Variants in SNX29 observed in about 807,000 individuals in gnomAD.
The protein encoded by SNX29 is sorting nexin-29.
Under a neutral mutation model 102.1 loss-of-function variants are expected in SNX29, and 78 were observed. The ratio of observed to expected loss-of-function variants is 0.76; its 90% CI spans 0.64 to 0.92. The LOEUF (loss-of-function observed/expected upper bound fraction) is 0.92, where lower values mean the gene tolerates loss of function less well. Ranked by LOEUF, SNX29 falls within the 40% of genes least tolerant of loss-of-function variation. The probability of loss-of-function intolerance (pLI) is 0.00; values close to 1 mark genes in which losing one functional copy is unlikely to be tolerated. For synonymous variants in SNX29, 580 were observed against 414.5 expected (o/e 1.40, Z -4.85); for missense variants, 1,280 against 1,061.7 (o/e 1.21, Z -2.86).
At chr16:12,508,758 G>A (rs2089484447) in intron 19 of SNX29, among the ~76,000 whole-genome samples, 1 of 152,078 alleles carries the variant, frequency 6.6e-6, no homozygotes, top group South Asian at 2.1e-4. Flanking sequence ...TCCAGGGCGG[G>A]GTATAAATGC....
intron 1 of SNX29, among the ~76,000 whole-genome samples, chr16:11,998,344 T>G (rs905654102): frequency 1.8e-4 from 28 of 152,182 alleles, no homozygotes; most frequent in African/African-American, 6.8e-4. Context: ...ACCAACTGTC[T>G]GCCTGGTGCT....
intron 20 of SNX29, among the ~76,000 whole-genome samples, chr16:12,536,571 C>T (rs943461425): frequency 1.3e-5 from 2 of 152,156 alleles, no homozygotes; most frequent in Non-Finnish European, 2.9e-5. Flanking sequence ...CAGAAAGTTG[C>T]AGAGTTCACA....
intron 20 of SNX29, chr16:12,545,613 A>G (rs996204666): frequency 2.0e-5 from 3 of 152,184 alleles, no homozygotes; most frequent in African/African-American, 7.2e-5. Flanking sequence ...TACAGAAAGC[A>G]AGGGTCTGGC....
At chr16:12,218,188 A>G (rs1034651798) in intron 14 of SNX29, among the ~76,000 whole-genome samples, 5 of 152,212 alleles carry the variant, frequency 3.3e-5, no homozygotes, top group Non-Finnish European at 7.3e-5. Context: ...AAATAATTTA[A>G]TACTTTATTA....
intron 11 of SNX29, among the ~76,000 whole-genome samples, chr16:12,104,151 A>G (rs927875444): frequency 1.2e-4 from 18 of 152,344 alleles, no homozygotes; most frequent in African/African-American, 4.3e-4. Flanking sequence ...TGTTGTTTGA[A>G]AATCAAGGCA....
chr16:12,432,932 C>T (rs769561015), intron 18 of SNX29, among the ~76,000 whole-genome samples: 22 of 152,182 alleles, frequency 1.4e-4, no homozygotes, highest in Non-Finnish European at 2.5e-4. Context: ...TTTGGTGGAC[C>T]GGACCTGGTG....
At chr16:12,259,376 C>G (rs1022475234) in intron 14 of SNX29, among the ~76,000 whole-genome samples, 4 of 152,176 alleles carry the variant, frequency 2.6e-5, no homozygotes, top group African/African-American at 4.8e-5. Flanking sequence ...GGTGTAGCCA[C>G]TGGCTAAGAA....
At chr16:12,211,194 T>A (rs1276241211) in intron 14 of SNX29, among the ~76,000 whole-genome samples, 2 of 152,148 alleles carry the variant, frequency 1.3e-5, no homozygotes, top group African/African-American at 4.8e-5. Context: ...CCAGGCACAG[T>A]TCTGGGTATA....
chr16:11,990,846 A>G (rs1318661106), intron 1 of SNX29, among the ~76,000 whole-genome samples: 1 of 152,178 alleles, frequency 6.6e-6, no homozygotes, highest in East Asian at 1.9e-4. Context: ...AAGGTCTACA[A>G]ACTCCGACAC....
At chr16:12,177,833 C>T (rs1227444705) in intron 13 of SNX29, among the ~76,000 whole-genome samples, 1 of 152,170 alleles carries the variant, frequency 6.6e-6, no homozygotes, top group Non-Finnish European at 1.5e-5. Context: ...GGTCTCAACA[C>T]TGGGGAGATA....
intron 18 of SNX29, among the ~76,000 whole-genome samples, chr16:12,433,485 G>A (rs777275530): frequency 6.6e-6 from 1 of 152,014 alleles, no homozygotes; most frequent in Non-Finnish European, 1.5e-5. Context: ...AGAACAATTA[G>A]CCTGGCGTGG....
chr16:12,204,159 A>G (rs188211011), intron 14 of SNX29, among the ~76,000 whole-genome samples: 82 of 152,302 alleles, frequency 5.4e-4, no homozygotes, highest in Admixed American at 1.8e-3. Context: ...TGAAAGGCAG[A>G]GAGAAAGCGA....
intron 7 of SNX29, among the ~76,000 whole-genome samples, chr16:12,050,778 C>G (rs555453551): frequency 9.9e-5 from 15 of 152,228 alleles, no homozygotes; most frequent in African/African-American, 3.4e-4. Flanking sequence ...ATGGCGCAAT[C>G]TTGGCTCACT....
chr16:11,997,140 T>A (rs1196996368), intron 1 of SNX29, among the ~76,000 whole-genome samples: 1 of 152,172 alleles, frequency 6.6e-6, no homozygotes, highest in African/African-American at 2.4e-5. Flanking sequence ...GTGACTGACA[T>A]CTGCCCGCCT....
chr16:12,138,810 C>G (rs1415766053), intron 13 of SNX29, among the ~76,000 whole-genome samples: 1 of 152,046 alleles, frequency 6.6e-6, no homozygotes, highest in Non-Finnish European at 1.5e-5. Context: ...GCAAAAGGCA[C>G]CAGAGCTGCC....
intron 20 of SNX29, among the ~76,000 whole-genome samples, chr16:12,562,669 A>G (rs947731827): frequency 5.3e-5 from 8 of 152,194 alleles, no homozygotes; most frequent in African/African-American, 1.9e-4. Flanking sequence ...GGGAAAGTCT[A>G]GATTTACAGG....
chr16:12,120,817 G>C (rs1020350043), intron 11 of SNX29, among the ~76,000 whole-genome samples: 1 of 152,134 alleles, frequency 6.6e-6, no homozygotes, highest in Non-Finnish European at 1.5e-5. Flanking sequence ...AATGATGTAT[G>C]GGACCGTGTC....
rs879759950 is a variant in SNX29 at position 12,183,414 on chromosome 16, CT to C, written c.1596-16177del. The stretch of plus-strand genomic sequence containing the variant: ...CCTACCGTCCACCTAGATTTACCAA[CT>C]TTTTTTTTTGCATATTTCTCAGTGT... On this transcript the variant is annotated intron_variant, in intron 13 of 20. Transcript: ENST00000566228. 1.9e-3 allele frequency among the ~76,000 whole-genome samples: 278 copies of C among 149,396 alleles called. 2 individuals are homozygous for C. The highest frequency in any genetic ancestry group is 1.2e-3 in the Non-Finnish European group (80 of 67,060).
chr16:12,489,550 G>T (rs190332352), intron 19 of SNX29, among the ~76,000 whole-genome samples: 1 of 152,318 alleles, frequency 6.6e-6, no homozygotes, highest in Admixed American at 6.5e-5. Flanking sequence ...CTGTCACATG[G>T]TGGTGAGCAC....
Sources: allele counts gnomAD v4.1 joint callset (sites outside exome capture counted in the v4.1 genomes callset), GRCh38; gene constraint gnomAD v4.1.1; transcripts MANE v1.5; gene names NCBI Gene and HGNC (gene_info 2026-07-23, HGNC 2026-07-21).